PDGFRB: variants seen among roughly 807,000 people sequenced by gnomAD.
PDGFRB encodes platelet-derived growth factor receptor beta.
Under a neutral mutation model 120.2 loss-of-function variants are expected in PDGFRB, and 42 were observed. The observed-to-expected ratio is 0.35, with a 90% CI of 0.27 to 0.45. The LOEUF is 0.45. Ranked by LOEUF, PDGFRB falls within the 20% of genes least tolerant of loss-of-function variation. PDGFRB has a pLI of 1.00. For missense variants in PDGFRB, 1,149 were observed against 1,476.3 expected (o/e 0.78, Z 3.63); for synonymous variants, 586 against 606.8 (o/e 0.97, Z 0.50).
Position 150,115,491 on chromosome 5 carries a change from C to T in PDGFRB, c.*272G>A. 2.9e-6 allele frequency: 1 copy of T among 342,494 alleles called. No homozygotes were observed. Among genetic ancestry groups the T allele is most frequent in the African/African-American group, 2.1e-5 (1 of 47,838 alleles). 21.2% of individuals were successfully genotyped at this position (342,494 alleles called of 1,614,324 possible). ...CATCAAGCCTAACTTTCCCATTTTA[C>T]ATATGGGAAAACTGAGTTCCCTGGG... On this transcript the variant is annotated 3_prime_UTR_variant, in exon 23 of 23. Coordinates refer to ENST00000261799, the MANE Select transcript of PDGFRB (RefSeq NM_002609.4).
chr5:150,115,986 C>T (rs1327760803), intron 22 of PDGFRB, 40 bp from the exon 23 acceptor site: 1 of 1,531,010 alleles, frequency 6.5e-7, no homozygotes, highest in East Asian at 2.5e-5. Flanking sequence ...TAGGAAGGAG[C>T]CCAGGAGGAT....
Position 150,116,502 on chromosome 5 carries a change from G to A in PDGFRB, c.3138-556C>T, listed in dbSNP as rs955871585. 4.6e-5 allele frequency among the ~76,000 whole-genome samples: 7 copies of A among 151,982 alleles called. No homozygotes were observed. The South Asian group carries it at 6.2e-4, about 14-fold the overall frequency. On this transcript the variant is annotated intron_variant, in intron 22 of 22. Coordinates refer to ENST00000261799, the MANE Select transcript of PDGFRB (RefSeq NM_002609.4). Reference sequence around the variant, plus strand: ...TGCATGCCTGTAATTCCAGCTACTCGGGAGGCTGAGGCAGGAGAATTGCTT... The same window carrying A: ...TGCATGCCTGTAATTCCAGCTACTCAGGAGGCTGAGGCAGGAGAATTGCTT...
chr5:150,120,643 C>A lies in PDGFRB; in HGVS notation c.2586+245G>T, dbSNP rs896040744. 2.0e-5 allele frequency among the ~76,000 whole-genome samples: 3 copies of A among 152,192 alleles called. No individual in the cohort carries two copies. Among genetic ancestry groups the A allele is most frequent in the African/African-American group, 7.2e-5 (3 of 41,454 alleles). On this transcript the variant is annotated intron_variant, in intron 18 of 22. Transcript: ENST00000261799. The surrounding 1 kb of genome is among the most constrained non-coding windows in gnomAD (Gnocchi z 4.3). ...ACATTCGGCCTGTTCCCCCTTCCCC[C>A]ACCCTGGACCCATTATAGCCAGCCC...
intron 21 of PDGFRB, 68 bp downstream of exon 21, chr5:150,118,679 C>T: frequency 1.0e-6 from 1 of 957,546 alleles, no homozygotes. Flanking sequence ...CACGCAGAGC[C>T]TTGTACTCGG....
At position 150,134,766 on chromosome 5, in the gene PDGFRB, A is replaced by G. The variant is rs756283680; in HGVS notation, c.615T>C (p.Tyr205=). The G allele has an allele frequency of 2.5e-5, 41 of 1,613,200 alleles. No individual in the cohort carries two copies. The highest frequency in any genetic ancestry group is 3.2e-5 in the Non-Finnish European group (38 of 1,179,544). Residue 205 remains tyrosine (Y), a synonymous_variant, in exon 4 of 23, where the codon TAT becomes TAC. Coordinates refer to ENST00000261799, the MANE Select transcript of PDGFRB (RefSeq NM_002609.4). The part of the protein sequence containing the change: ...GDREVDSDAY[Y]VYRLQVSSIN... ...GGGGCTCACCCTGGAGTCTGTAGACATAGTAGGCATCAGAATCCACCTCCC... is the reference window on the plus strand; with the variant it reads ...GGGGCTCACCCTGGAGTCTGTAGACGTAGTAGGCATCAGAATCCACCTCCC...
Position 150,132,691 on chromosome 5 carries a change from G to A in PDGFRB, c.1127+59C>T. 6.6e-7 allele frequency: 1 copy of A among 1,515,510 alleles called. No homozygotes were observed. 93.9% of individuals were successfully genotyped at this position (1,515,510 alleles called of 1,614,324 possible). A position where few individuals can be genotyped will look rare whatever the true frequency, so the allele number is the denominator to read the frequency against. On this transcript the variant is annotated intron_variant, in intron 7 of 22. Coordinates refer to ENST00000261799, the MANE Select transcript of PDGFRB (RefSeq NM_002609.4). The surrounding 1 kb of genome is among the most constrained non-coding windows in gnomAD (Gnocchi z 5.0). ...GGTTTGTGGCTGAAAGCCGAGGGCT[G>A]CCTGGCGGCTGCAAAGAAAAATAAC... is the stretch of plus-strand genomic sequence containing the variant.
At chr5:150,133,429 T>C (rs936185695) in intron 6 of PDGFRB, among the ~76,000 whole-genome samples, 157 bp downstream of exon 6, 2 of 152,148 alleles carry the variant, frequency 1.3e-5, no homozygotes, top group African/African-American at 2.4e-5. Context: ...GGAGTGTGGC[T>C]GACTATACCC....
rs1760115967 is a variant in PDGFRB at position 150,121,061 on chromosome 5, G to C, written c.2464-51C>G. 6.3e-7 allele frequency: 1 copy of C among 1,596,936 alleles called. No homozygotes were observed. Among genetic ancestry groups the C allele is most frequent in the Non-Finnish European group, 8.6e-7 (1 of 1,164,608 alleles). The stretch of plus-strand genomic sequence containing the variant: ...GGCCTTGGGGACAATTGTGGGGAAA[G>C]ACCCTTCATGTCAAGGGCTTTGGGA... On this transcript the variant is annotated intron_variant, in intron 17 of 22. Coordinates refer to ENST00000261799, the MANE Select transcript of PDGFRB (RefSeq NM_002609.4). This position sits in a 1 kb window ranked among gnomAD's most constrained non-coding sequence, Gnocchi z 4.1.
rs1437673659 is a variant in PDGFRB at position 150,114,910 on chromosome 5, A to G, written c.*853T>C. 3 of 233,124 alleles carry G rather than the reference A, an allele frequency of 1.3e-5. No homozygotes were observed. Among genetic ancestry groups the G allele is most frequent in the Non-Finnish European group, 2.5e-5 (3 of 118,020 alleles). The allele number at this position is 233,124 out of a possible 1,614,324, so 14.4% of individuals were successfully genotyped here. A position where few individuals can be genotyped will look rare whatever the true frequency, so the allele number is the denominator to read the frequency against. On this transcript the variant is annotated 3_prime_UTR_variant, in exon 23 of 23. Transcript: ENST00000261799. ...GAGCCAGGGCCATATACTGGCACACACACGTGGCCACTCCACACTGGCACA... is the reference window on the plus strand; with the variant it reads ...GAGCCAGGGCCATATACTGGCACACGCACGTGGCCACTCCACACTGGCACA...
Position 150,132,613 on chromosome 5 carries a change from C to A in PDGFRB, c.1127+137G>T, listed in dbSNP as rs1760498213. On this transcript the variant is annotated intron_variant, in intron 7 of 22. Coordinates refer to ENST00000261799, the MANE Select transcript of PDGFRB (RefSeq NM_002609.4). The surrounding 1 kb of genome is among the most constrained non-coding windows in gnomAD (Gnocchi z 5.0). ...AGGGATGAACTGTCAGCTCTGGTCG[C>A]TGCAGCATCCCCAGCACCTGGCACC... The A allele has an allele frequency of 6.6e-6, 5 of 762,346 alleles. No homozygotes were observed. The highest frequency in any genetic ancestry group is 8.3e-6 in the Non-Finnish European group (4 of 480,104). 47.2% of individuals were successfully genotyped at this position (762,346 alleles called of 1,614,324 possible). A position where few individuals can be genotyped will look rare whatever the true frequency, so the allele number is the denominator to read the frequency against.
Position 150,117,542 on chromosome 5 carries a change from G to GCA in PDGFRB, c.3137+75_3137+76insTG, listed in dbSNP as rs1289430637. ...CAAACCTGGCAGCGCGCGCGCGCGC[G>GCA]CGCACACACACACACACACACACAC... On this transcript the variant is annotated intron_variant, in intron 22 of 22. Transcript: ENST00000261799. 29,986 of 454,316 alleles carry GCA rather than the reference G, an allele frequency of 0.066. 307 individuals are homozygous for GCA. The highest frequency in any genetic ancestry group is 0.13 in the East Asian group (4,147 of 31,538). 28.1% of individuals were successfully genotyped at this position (454,316 alleles called of 1,614,324 possible).
chr5:150,128,499 A>G (rs1210067718), intron 10 of PDGFRB, among the ~76,000 whole-genome samples: 1 of 152,172 alleles, frequency 6.6e-6, no homozygotes, highest in Non-Finnish European at 1.5e-5. Flanking sequence ...GCTCCATCCC[A>G]TAGCACTTCC....
chr5:150,142,930 G>A (rs1287369654), intron 1 of PDGFRB, among the ~76,000 whole-genome samples: 2 of 152,170 alleles, frequency 1.3e-5, no homozygotes, highest in East Asian at 3.9e-4. Context: ...AAGAGGAAGT[G>A]AGGTGATGGC....
chr5:150,119,152 C>A (rs1014379088), intron 20 of PDGFRB, among the ~76,000 whole-genome samples: 17 of 152,214 alleles, frequency 1.1e-4, no homozygotes, highest in African/African-American at 3.9e-4. Flanking sequence ...TGGCATGTGA[C>A]CCCACCTGAG....
intron 1 of PDGFRB, among the ~76,000 whole-genome samples, chr5:150,139,252 G>A (rs1217504086): frequency 3.3e-5 from 5 of 152,296 alleles, no homozygotes; most frequent in East Asian, 1.9e-4. Flanking sequence ...TGTGGATGCC[G>A]TAGGGAGGTT....
At chr5:150,137,627 C>T (rs781597111) in intron 1 of PDGFRB, among the ~76,000 whole-genome samples, 13 of 152,264 alleles carry the variant, frequency 8.5e-5, no homozygotes, top group Non-Finnish European at 1.3e-4. Flanking sequence ...TGGGCCTGGA[C>T]ACCTTTACTC....
intron 1 of PDGFRB, chr5:150,153,476 A>C (rs1049664533): frequency 3.9e-5 from 6 of 152,072 alleles, no homozygotes; most frequent in Admixed American, 3.9e-4. Context: ...CAGCCTAAAC[A>C]CCACCTTAAC....
intron 19 of PDGFRB, 118 bp from the exon 20 acceptor site, chr5:150,119,684 C>T (rs906055735): frequency 1.5e-6 from 1 of 688,348 alleles, no homozygotes; most frequent in African/African-American, 1.8e-5. Context: ...GGGGCAGTGC[C>T]CCTGGCATTT....
In PDGFRB at chr5:150,114,809, T is replaced by A; in HGVS notation, c.*954A>T. The A allele has an allele frequency of 4.3e-6, 1 of 233,696 alleles. No individual in the cohort carries two copies. Among genetic ancestry groups the A allele is most frequent in the Middle Eastern group, 1.1e-3 (1 of 888 alleles). 14.5% of individuals were successfully genotyped at this position (233,696 alleles called of 1,614,324 possible). On this transcript the variant is annotated 3_prime_UTR_variant, in exon 23 of 23. Coordinates refer to ENST00000261799, the MANE Select transcript of PDGFRB (RefSeq NM_002609.4). ...ACTCAGAGTTAATAAGTCCGACTTA[T>A]TCATTTTTTGAAGGGGAAACTGAGG...
Sources: gnomAD v4.1 joint callset for allele counts (sites outside exome capture counted in the v4.1 genomes callset) on GRCh38, gnomAD v4.1.1 for gene constraint, Gnocchi (gnomAD v3.1) non-coding constraint, MANE v1.5 for transcripts, NCBI Gene and HGNC (gene_info 2026-07-23, HGNC 2026-07-21) for gene names.